CFAP77: variants seen among roughly 807,000 people sequenced by gnomAD.
CFAP77 encodes the protein cilia- and flagella-associated protein 77.
In CFAP77, 25 loss-of-function variants were observed where a neutral mutation model predicts 31.1. That is an observed-to-expected ratio of 0.80 (90% confidence interval 0.59 to 1.12). The LOEUF (loss-of-function observed/expected upper bound fraction) is 1.12. Ranked by LOEUF, CFAP77 falls within the 50% of genes most tolerant of loss-of-function variation. CFAP77 has a pLI of 0.00. For synonymous variants in CFAP77, 151 were observed against 159.9 expected, an observed-to-expected ratio of 0.94 and a Z score of 0.42; for missense variants, 377 against 397.3, an observed-to-expected ratio of 0.95 and a Z score of 0.44.
intron 1 of CFAP77, among the ~76,000 whole-genome samples, chr9:132,458,150 G>A (rs1850954904): frequency 2.6e-5 from 4 of 152,302 alleles, no homozygotes; most frequent in East Asian, 1.9e-4. Context: ...GATCCGGGGC[G>A]AAGGAATGAA....
intron 5 of CFAP77, among the ~76,000 whole-genome samples, chr9:132,543,881 G>C (rs1852688103): frequency 6.6e-6 from 1 of 152,168 alleles, no homozygotes; most frequent in African/African-American, 2.4e-5. Flanking sequence ...AGAGCCGGGG[G>C]CACCGTACGG....
At chr9:132,516,796 A>G (rs1258270465) in intron 3 of CFAP77, among the ~76,000 whole-genome samples, 7 of 152,036 alleles carry the variant, frequency 4.6e-5, no homozygotes, top group Non-Finnish European at 8.8e-5. Flanking sequence ...TGATCTCCAT[A>G]AAAGTTTCAG....
intron 1 of CFAP77, among the ~76,000 whole-genome samples, chr9:132,444,427 C>T (rs935018997): frequency 3.9e-5 from 6 of 152,120 alleles, no homozygotes; most frequent in African/African-American, 9.7e-5. Flanking sequence ...GAAAGAGGAA[C>T]GAGAGGGGAA....
rs1353270901 is a variant in CFAP77, at chr9:132,545,795, A to C, written c.732+2748A>C. ...CATGCCCCCATTCTACTGACATGGA[A>C]ACTGAGGCTTGGAGAGGTGAGAAGT... On this transcript the variant is annotated intron_variant, in intron 5 of 5. Transcript: ENST00000393216. The surrounding 1 kb of genome is among the most constrained non-coding windows in gnomAD (Gnocchi z 4.6). Among the ~76,000 whole-genome samples the C allele has an allele frequency of 1.3e-5, 2 of 152,126 alleles. No homozygotes were observed. The highest frequency in any genetic ancestry group is 1.3e-4 in the Admixed American group (2 of 15,268).
chr9:132,502,366 C>G (rs759960673), intron 3 of CFAP77, among the ~76,000 whole-genome samples: 12 of 151,568 alleles, frequency 7.9e-5, no homozygotes, highest in Non-Finnish European at 1.5e-4. Flanking sequence ...ATCATCTGAA[C>G]CATTTTTAAG....
At chr9:132,471,475 C>T (rs1052786056) in intron 1 of CFAP77, among the ~76,000 whole-genome samples, 1 of 151,848 alleles carries the variant, frequency 6.6e-6, no homozygotes, top group African/African-American at 2.4e-5. Context: ...ACACACACAT[C>T]AAGTGAATGG....
chr9:132,531,310 G>A (rs907992720), intron 3 of CFAP77, among the ~76,000 whole-genome samples: 2 of 152,202 alleles, frequency 1.3e-5, no homozygotes, highest in Non-Finnish European at 2.9e-5. Context: ...CCCTCGTGAT[G>A]TTGGTGGCCA....
chr9:132,562,695 GTTTTA>G (rs1279418093), intron 5 of CFAP77, among the ~76,000 whole-genome samples: 3 of 151,562 alleles, frequency 2.0e-5, no homozygotes, highest in Admixed American at 6.6e-5. Context: ...TGTTGTTTTT[GTTTTA>G]TTTTATTTTT....
At chr9:132,572,251 T>G in intron 5 of CFAP77, 137 bp from the exon 6 acceptor site, 1 of 1,119,600 alleles carries the variant, frequency 8.9e-7, no homozygotes, top group Non-Finnish European at 1.3e-6. Context: ...CTCACAGCAC[T>G]TGCTGTGACT....
chr9:132,537,297 C>T lies in CFAP77; in HGVS notation c.525-304C>T, dbSNP rs11243823. ...AACGTAGCGGGACTCTTGGCTACAA[C>T]TGGCTTCAGCAGGCCAAGGAAGGGC... On this transcript the variant is annotated intron_variant, in intron 3 of 5. Transcript: ENST00000393216. 3.7e-3 allele frequency among the ~76,000 whole-genome samples: 565 copies of T among 152,198 alleles called. 15 individuals are homozygous for T. The East Asian group carries it at 0.08, about 22-fold the overall frequency.
At chr9:132,416,329 ATTT>A (rs71503303) in intron 1 of CFAP77, among the ~76,000 whole-genome samples, 2,916 of 59,964 alleles carry the variant, frequency 0.049, 22 homozygotes, top group African/African-American at 0.059. Context: ...TTCTTATCTG[ATTT>A]TTTTTTTTTT....
chr9:132,508,478 T>C (rs1270227254), intron 3 of CFAP77, among the ~76,000 whole-genome samples: 1 of 152,050 alleles, frequency 6.6e-6, no homozygotes, highest in African/African-American at 2.4e-5. Flanking sequence ...GTCTACTGTG[T>C]ACAAAGAACA....
At chr9:132,546,203 T>G (rs1453637651) in intron 5 of CFAP77, among the ~76,000 whole-genome samples, 1 of 152,150 alleles carries the variant, frequency 6.6e-6, no homozygotes, top group Non-Finnish European at 1.5e-5. Flanking sequence ...CTTTCTCCCC[T>G]TCCCAAACCA....
intron 3 of CFAP77, among the ~76,000 whole-genome samples, chr9:132,526,753 G>T (rs1378212039): frequency 1.9e-5 from 2 of 102,742 alleles, no homozygotes; most frequent in Non-Finnish European, 4.0e-5. Context: ...AGAAAATCTA[G>T]AAGAAATGGA....
At chr9:132,421,238 C>T (rs146038902) in intron 1 of CFAP77, among the ~76,000 whole-genome samples, 180 of 151,982 alleles carry the variant, frequency 1.2e-3, no homozygotes, top group African/African-American at 3.2e-3. Flanking sequence ...GTGATCCGCC[C>T]GGCTTGGCCT....
At chr9:132,445,940 C>G (rs1390299401) in intron 1 of CFAP77, among the ~76,000 whole-genome samples, 1 of 151,632 alleles carries the variant, frequency 6.6e-6, no homozygotes, top group Non-Finnish European at 1.5e-5. Flanking sequence ...CTCTTGTGTT[C>G]TCTAGTGCTC....
chr9:132,438,199 C>CAAAAAAA (rs954482789), intron 1 of CFAP77, among the ~76,000 whole-genome samples: 9 of 47,874 alleles, frequency 1.9e-4, no homozygotes, highest in African/African-American at 6.1e-4. Context: ...GAGACGCCAT[C>CAAAAAAA]AAAAAAAAAA....
chr9:132,427,339 C>T (rs576327565), intron 1 of CFAP77, among the ~76,000 whole-genome samples: 2 of 152,310 alleles, frequency 1.3e-5, no homozygotes, highest in South Asian at 2.1e-4. Context: ...CCAGCAATTC[C>T]GGCCATGCCC....
intron 1 of CFAP77, among the ~76,000 whole-genome samples, chr9:132,458,305 T>C (rs1850957506): frequency 7.3e-6 from 1 of 136,618 alleles, no homozygotes; most frequent in African/African-American, 2.7e-5. Flanking sequence ...TTTGATTTCT[T>C]CTTCACCGAC....
Sources: gnomAD v4.1 joint callset for allele counts (sites outside exome capture counted in the v4.1 genomes callset) on GRCh38, gnomAD v4.1.1 for gene constraint, Gnocchi (gnomAD v3.1) non-coding constraint, MANE v1.5 for transcripts, NCBI Gene and HGNC (gene_info 2026-07-23, HGNC 2026-07-21) for gene names.